Variants in SGCD observed in about 807,000 individuals in gnomAD.
SGCD encodes delta-sarcoglycan.
Under a neutral mutation model 36.6 loss-of-function variants are expected in SGCD, and 18 were observed. That is an observed-to-expected ratio of 0.49 (90% CI 0.34 to 0.73). The LOEUF (loss-of-function observed/expected upper bound fraction) is 0.73, where lower values mean the gene tolerates loss of function less well. Among genes scored for constraint, SGCD ranks in the 30% least tolerant of loss-of-function variants. SGCD has a pLI of 0.01. For synonymous variants in SGCD, 133 were observed against 130.6 expected, an observed-to-expected ratio of 1.02 and a Z score of -0.12; for missense variants, 387 against 346.7, an observed-to-expected ratio of 1.12 and a Z score of -0.92.
chr5:155,986,995 G>A (rs1758345832), intron 1 of SGCD, among the ~76,000 whole-genome samples: 1 of 152,096 alleles, frequency 6.6e-6, no homozygotes, highest in South Asian at 2.1e-4. Flanking sequence ...TCTCACTTAG[G>A]TGCATAAACA....
chr5:156,740,929 G>GT lies in SGCD; in HGVS notation c.576-16646dup, dbSNP rs200099130. ...ACACCAACTTTATACCTTCCCACCA[G>GT]TTTTTTCTAAGTTATTTCCCTTTCA... On this transcript the variant is annotated intron_variant, in intron 7 of 8. Transcript: ENST00000337851. Among the ~76,000 whole-genome samples, 770 of 152,206 alleles carry GT rather than the reference G, an allele frequency of 5.1e-3. 4 individuals are homozygous for GT. Among genetic ancestry groups the GT allele is most frequent in the African/African-American group, 0.017 (708 of 41,528 alleles).
chr5:156,184,960 G>A (rs1016048404), intron 3 of SGCD, among the ~76,000 whole-genome samples: 4 of 152,106 alleles, frequency 2.6e-5, no homozygotes, highest in East Asian at 3.9e-4. Flanking sequence ...TGGGTTTAAG[G>A]TGACTATTCC....
chr5:156,651,741 G>C (rs1763471002), intron 7 of SGCD, among the ~76,000 whole-genome samples: 1 of 152,010 alleles, frequency 6.6e-6, no homozygotes, highest in Non-Finnish European at 1.5e-5. Flanking sequence ...GATAGCTCTG[G>C]AGTTTTTCTT....
chr5:156,308,457 C>T lies in SGCD; in HGVS notation c.-43-21077C>T, dbSNP rs535962996. Among the ~76,000 whole-genome samples the T allele has an allele frequency of 3.9e-5, 6 of 152,228 alleles. No homozygotes were observed. The East Asian group carries it at 9.7e-4, about 25-fold the overall frequency. ...GGGACTACAGGTGTCTGCCACTACG[C>T]CTGGCTAATTTTTTGTATTTTTAGT... is the stretch of plus-strand genomic sequence containing the variant. On this transcript the variant is annotated intron_variant, in intron 3 of 9. Transcript: ENST00000517913.
rs534434731 is a variant in SGCD, at chr5:156,016,478, G to A, written c.-281-101400G>A. On this transcript the variant is annotated intron_variant, in intron 1 of 9. Transcript: ENST00000517913. ...AAATTATACCAAAAAAGTATTGAAA[G>A]GTTGTCCCATCCCTTATCTTTTCCA... Among the ~76,000 whole-genome samples the A allele has an allele frequency of 7.2e-5, 11 of 152,154 alleles. No homozygotes were observed. In the East Asian group the frequency reaches 1.9e-3, roughly 27 times the overall value.
At chr5:156,314,227 C>G (rs1186125486) in intron 3 of SGCD, among the ~76,000 whole-genome samples, 1 of 151,868 alleles carries the variant, frequency 6.6e-6, no homozygotes, top group Non-Finnish European at 1.5e-5. Flanking sequence ...ATGTGATGTT[C>G]GAGGCTATAC....
intron 7 of SGCD, among the ~76,000 whole-genome samples, chr5:156,684,458 C>A (rs1044109756): frequency 1.3e-5 from 2 of 152,196 alleles, no homozygotes; most frequent in Non-Finnish European, 2.9e-5. Flanking sequence ...TCCAGAATCT[C>A]AAATGCTTTC....
chr5:156,265,518 T>C (rs1280233305), intron 3 of SGCD, among the ~76,000 whole-genome samples: 2 of 152,008 alleles, frequency 1.3e-5, no homozygotes, highest in African/African-American at 2.4e-5. Flanking sequence ...CAGTTGGCTG[T>C]TGGAACCAAA....
At chr5:156,430,166 C>T (rs1476119313) in intron 3 of SGCD, among the ~76,000 whole-genome samples, 4 of 152,082 alleles carry the variant, frequency 2.6e-5, no homozygotes, top group African/African-American at 7.2e-5. Flanking sequence ...TTAGGTTTGG[C>T]CATTTTACAT....
At chr5:156,254,507 T>G (rs1581198383) in intron 3 of SGCD, among the ~76,000 whole-genome samples, 1 of 152,170 alleles carries the variant, frequency 6.6e-6, no homozygotes, top group African/African-American at 2.4e-5. Context: ...ATTGTGTCAT[T>G]TTTTTGGTAT....
intron 3 of SGCD, among the ~76,000 whole-genome samples, chr5:156,235,855 C>T (rs892978556): frequency 2.0e-5 from 3 of 152,144 alleles, no homozygotes; most frequent in African/African-American, 7.2e-5. Flanking sequence ...TTCTCACTTC[C>T]TCTTATAATG....
At chr5:156,606,260 A>G (rs1394994803) in intron 6 of SGCD, among the ~76,000 whole-genome samples, 2 of 152,232 alleles carry the variant, frequency 1.3e-5, no homozygotes, top group African/African-American at 4.8e-5. Context: ...AGCTTTCTAC[A>G]CATGGCTAGC....
At chr5:155,831,010 A>G in the SGCD span, among the ~76,000 whole-genome samples, 1 of 152,358 alleles carries the variant, frequency 6.6e-6, no homozygotes, top group Admixed American at 6.5e-5. Context: ...TCTGAACCCC[A>G]TACATTCATT....
chr5:156,306,699 A>C lies in SGCD; in HGVS notation c.-43-22835A>C, dbSNP rs1767221732. Among the ~76,000 whole-genome samples the C allele has an allele frequency of 2.0e-5, 3 of 152,176 alleles. No homozygotes were observed. In the South Asian group the frequency reaches 6.2e-4, roughly 31 times the overall value. On this transcript the variant is annotated intron_variant, in intron 3 of 9. Transcript: ENST00000517913. Reference sequence around the variant, plus strand: ...GTGCCTCCTTTCTTGCTATTATGTTAAAACCAGGTACTGTGATCACTTGAT... The same window carrying C: ...GTGCCTCCTTTCTTGCTATTATGTTCAAACCAGGTACTGTGATCACTTGAT...
the SGCD span, among the ~76,000 whole-genome samples, chr5:155,859,034 T>A: frequency 1.3e-5 from 2 of 151,924 alleles, no homozygotes; most frequent in African/African-American, 4.8e-5. Context: ...CTGTTATAAT[T>A]TTTATTTTTT....
intron 3 of SGCD, among the ~76,000 whole-genome samples, chr5:156,141,604 CTT>C (rs1762583249): frequency 6.6e-6 from 1 of 152,128 alleles, no homozygotes; most frequent in South Asian, 2.1e-4. Flanking sequence ...GGTTTTTCCT[CTT>C]ATTATAAAGA....
chr5:156,077,789 G>A (rs1157182807), intron 1 of SGCD, among the ~76,000 whole-genome samples: 1 of 152,104 alleles, frequency 6.6e-6, no homozygotes, highest in Admixed American at 6.6e-5. Context: ...ACACTACTGT[G>A]TACTCAGGCA....
chr5:156,060,691 G>T (rs77498485), intron 1 of SGCD, among the ~76,000 whole-genome samples: 1 of 145,364 alleles, frequency 6.9e-6, no homozygotes, highest in Non-Finnish European at 1.5e-5. Flanking sequence ...AAGAATTTGG[G>T]TGGATTCAAG....
chr5:156,160,362 AG>A (rs1166280441), intron 3 of SGCD, among the ~76,000 whole-genome samples: 2 of 151,712 alleles, frequency 1.3e-5, no homozygotes, highest in Non-Finnish European at 2.9e-5. Context: ...CTATTAAAAA[AG>A]CTTCACTTTC....
Sources: gnomAD v4.1 joint callset for allele counts (sites outside exome capture counted in the v4.1 genomes callset) on GRCh38, gnomAD v4.1.1 for gene constraint, MANE v1.5 for transcripts, NCBI Gene and HGNC (gene_info 2026-07-23, HGNC 2026-07-21) for gene names.